Variants in JMY observed in about 807,000 individuals in gnomAD.
The protein encoded by JMY is junction-mediating and -regulatory protein.
In JMY, 46 loss-of-function variants were observed where a neutral mutation model predicts 103.3. The observed-to-expected ratio is 0.45, with a 90% CI of 0.35 to 0.57. The LOEUF (loss-of-function observed/expected upper bound fraction) is 0.57. JMY is among the 20% of genes least tolerant of loss of function. The pLI is 0.00. For missense variants in JMY, 1,238 were observed against 1,255.2 expected (o/e 0.99, Z 0.21); for synonymous variants, 526 against 489.3 (o/e 1.07, Z -0.99).
Position 79,314,537 on chromosome 5 carries a change from C to A in JMY, c.2345C>A (p.Pro782His), listed in dbSNP as rs747183331. Residue 782 changes from proline to histidine, a missense_variant, in exon 9 of 11, where the codon CCC (proline) becomes CAC (histidine). Pro to His is a moderately conservative substitution (Grantham distance 77). Coordinates refer to ENST00000396137, the MANE Select transcript of JMY (RefSeq NM_152405.5). ...PLSGVTSELP[P>H]TISLPLLNNN... ...AGTGGTGTTACCTCTGAACTGCCTC[C>A]CACTATATCTCTTCCACTTTTGAAT... The A allele has an allele frequency of 9.9e-6, 16 of 1,613,946 alleles. No homozygotes were observed. The South Asian group carries it at 1.8e-4, about 18-fold the overall frequency.
intron 1 of JMY, among the ~76,000 whole-genome samples, chr5:79,255,676 C>A (rs1403430132): frequency 6.6e-6 from 1 of 152,240 alleles, no homozygotes; most frequent in Non-Finnish European, 1.5e-5. Context: ...GTGGTTGTTG[C>A]AGACTCATAA....
At chr5:79,247,387 C>G (rs6869008) in intron 1 of JMY, among the ~76,000 whole-genome samples, 52,758 of 151,924 alleles carry the variant, frequency 0.35, 9,609 homozygotes, top group South Asian at 0.52. Context: ...ACTGCAACCT[C>G]CACCTCTCGG....
chr5:79,322,956 T>C lies in JMY; in HGVS notation c.*1354T>C, dbSNP rs1012094254. ...GAGCAAAAGCCCAGTGTATATGAAT[T>C]GGTATTCCTAGAGAAAAAAAGAAAT... is the stretch of plus-strand genomic sequence containing the variant. On this transcript the variant is annotated 3_prime_UTR_variant, in exon 11 of 11. Coordinates refer to ENST00000396137, the MANE Select transcript of JMY (RefSeq NM_152405.5). The C allele has an allele frequency of 6.6e-6, 1 of 152,214 alleles. No individual in the cohort carries two copies. The highest frequency in any genetic ancestry group is 2.4e-5 in the African/African-American group (1 of 41,450). The allele number at this position is 152,214 out of a possible 1,614,324, so 9.4% of individuals were successfully genotyped here.
rs1268165872 is a variant in JMY, at chr5:79,237,500, ACT to A, written c.853_854del (p.Leu285ValfsTer30). 8 of 1,613,316 alleles carry A rather than the reference ACT, an allele frequency of 5.0e-6. No homozygotes were observed. Among genetic ancestry groups the A allele is most frequent in the African/African-American group, 2.7e-5 (2 of 74,782 alleles). On this transcript the variant is annotated frameshift_variant, in exon 1 of 11. Coordinates refer to ENST00000396137, the MANE Select transcript of JMY (RefSeq NM_152405.5). LOFTEE classifies it high-confidence loss of function. ...APEMTEQEIDTLCYQLQVYLG... is the reference protein window; with the variant it reads ...APEMTEQEIDXLCYQLQVYLG... The stretch of plus-strand genomic sequence containing the variant: ...CGAGATGACCGAGCAGGAAATCGAC[ACT>A]CTGTGTTACCAGCTCCAGGTCTACC...
intron 1 of JMY, among the ~76,000 whole-genome samples, chr5:79,267,386 C>G (rs886260827): frequency 2.6e-5 from 4 of 152,132 alleles, no homozygotes; most frequent in South Asian, 2.1e-4. Context: ...TCCATCTGTT[C>G]ATTGGAGTGC....
At chr5:79,278,943 A>G (rs1396274168) in intron 2 of JMY, among the ~76,000 whole-genome samples, 1 of 152,068 alleles carries the variant, frequency 6.6e-6, no homozygotes, top group Non-Finnish European at 1.5e-5. Context: ...TTTTGGGAAC[A>G]TTTGTTTTAG....
intron 1 of JMY, among the ~76,000 whole-genome samples, chr5:79,274,675 G>GGATT: frequency 2.0e-5 from 3 of 152,168 alleles, no homozygotes; most frequent in Admixed American, 2.0e-4. Flanking sequence ...CAAAGTGCTG[G>GGATT]GATTATAGGC....
rs1746711486 is a variant in JMY, at chr5:79,300,776, G to C, written c.1794G>C (p.Glu598Asp). ...CATCTGCGTACTTACAGAGAGAAGA[G>C]CTGCAGAAACTTCAGCAGAAAGCAC... ...MAASAYLQRE[E>D]LQKLQQKARQ... The change falls in exon 6 of 11, where the codon GAG (glutamate) becomes GAC (aspartate). Residue 598 changes from glutamate to aspartate, a missense_variant. Physicochemically the swap from Glu to Asp is conservative, Grantham distance 45 (BLOSUM62 2). Transcript: ENST00000396137. The C allele has an allele frequency of 6.2e-7, 1 of 1,612,608 alleles. No homozygotes were observed. The highest frequency in any genetic ancestry group is 1.1e-5 in the South Asian group (1 of 90,706).
intron 1 of JMY, among the ~76,000 whole-genome samples, chr5:79,270,009 G>A (rs1011498979): frequency 3.3e-5 from 5 of 152,086 alleles, no homozygotes; most frequent in African/African-American, 1.2e-4. Flanking sequence ...GAGATTGCCA[G>A]ACATGAACCA....
intron 1 of JMY, among the ~76,000 whole-genome samples, chr5:79,240,068 T>C (rs1473653360): frequency 6.6e-6 from 1 of 151,584 alleles, no homozygotes; most frequent in African/African-American, 2.4e-5. Context: ...CAGGCTGAAG[T>C]GTAGTGGCGC....
At chr5:79,239,781 G>A (rs1014584576) in intron 1 of JMY, among the ~76,000 whole-genome samples, 5 of 150,450 alleles carry the variant, frequency 3.3e-5, no homozygotes, top group African/African-American at 1.2e-4. Context: ...GTGCACTCGA[G>A]CCTGGGCGAC....
At chr5:79,258,318 T>G (rs796443064) in intron 1 of JMY, among the ~76,000 whole-genome samples, 4,791 of 148,894 alleles carry the variant, frequency 0.032, 134 homozygotes, top group South Asian at 0.061. Flanking sequence ...TTTGTTGTTT[T>G]TTTTTTTTTT....
chr5:79,293,395 TTTTTTA>T, intron 4 of JMY, among the ~76,000 whole-genome samples: 1 of 48,728 alleles, frequency 2.1e-5, no homozygotes, highest in South Asian at 1.5e-3. Flanking sequence ...CTTTTTAACT[TTTTTTA>T]ACTTTTTTTT....
chr5:79,313,109 G>A (rs1747101556), intron 8 of JMY, among the ~76,000 whole-genome samples: 1 of 151,994 alleles, frequency 6.6e-6, no homozygotes, highest in Non-Finnish European at 1.5e-5. Flanking sequence ...GTGTTACAGT[G>A]GAAAAAAAGG....
chr5:79,278,774 A>G (rs1489487612), intron 2 of JMY, among the ~76,000 whole-genome samples: 1 of 150,376 alleles, frequency 6.6e-6, no homozygotes, highest in East Asian at 1.9e-4. Context: ...AAGAAGAAGA[A>G]AAAGTTTTGG....
chr5:79,291,183 G>T lies in JMY; in HGVS notation c.1411G>T (p.Ala471Ser). ...GAAGAAATTTGGTAAAGCATCATGG[G>T]CAGCGGCTGCTGAACGGATGGAAAA... ...DQKKFGKASW[A>S]AAAERMEKLQ... The change falls in exon 4 of 11, where the codon GCA becomes TCA. Residue 471 changes from alanine to serine, a missense_variant. Coordinates refer to ENST00000396137, the MANE Select transcript of JMY (RefSeq NM_152405.5). The T allele has an allele frequency of 6.2e-7, 1 of 1,612,982 alleles. No individual in the cohort carries two copies. The highest frequency in any genetic ancestry group is 8.5e-7 in the Non-Finnish European group (1 of 1,179,536).
At chr5:79,263,979 G>T (rs1036994842) in intron 1 of JMY, among the ~76,000 whole-genome samples, 12 of 150,116 alleles carry the variant, frequency 8.0e-5, no homozygotes, top group African/African-American at 2.7e-4. Context: ...TAGAGACGGG[G>T]TTTCACCATG....
intron 2 of JMY, chr5:79,284,050 T>TTCTG: frequency 1.0e-6 from 1 of 973,498 alleles, no homozygotes; most frequent in Non-Finnish European, 1.5e-6. Context: ...ACAAATTACT[T>TTCTG]TCTTTTTTTT....
At chr5:79,286,929 A>C (rs1231104193) in intron 2 of JMY, among the ~76,000 whole-genome samples, 1 of 152,208 alleles carries the variant, frequency 6.6e-6, no homozygotes, top group South Asian at 2.1e-4. Context: ...AGCAATTGTA[A>C]AAACAGCTAC....
Sources: gnomAD v4.1 joint callset for allele counts (sites outside exome capture counted in the v4.1 genomes callset) on GRCh38, gnomAD v4.1.1 for gene constraint, MANE v1.5 for transcripts, NCBI Gene and HGNC (gene_info 2026-07-23, HGNC 2026-07-21) for gene names.